The following BIVM variants were observed in gnomAD, a reference collection of about 807,000 sequenced individuals.
BIVM encodes basic immunoglobulin-like variable motif-containing protein.
A neutral mutation model predicts 61.4 loss-of-function variants in BIVM; 31 were observed. The observed-to-expected ratio is 0.51, with a 90% CI of 0.38 to 0.68. The LOEUF (loss-of-function observed/expected upper bound fraction) is 0.68, where lower values mean the gene tolerates loss of function less well. Among genes scored for constraint, BIVM ranks in the 30% least tolerant of loss-of-function variants. BIVM has a pLI of 0.00. For synonymous variants in BIVM, 189 were observed against 210.7 expected (o/e 0.90, Z 0.89); for missense variants, 526 against 596.0 (o/e 0.88, Z 1.22).
rs1346137790 is a variant in BIVM at position 102,839,498 on chromosome 13, A to G, written c.1219-74A>G. The stretch of plus-strand genomic sequence containing the variant: ...GGTGAAGTAAAAAAAGAAAGAAGGG[A>G]GTTCATAGGGACCTACAAATTAGTA... On this transcript the variant is annotated intron_variant, in intron 10 of 10. Coordinates refer to ENST00000257336, the MANE Select transcript of BIVM (RefSeq NM_017693.4). 8.4e-6 allele frequency: 13 copies of G among 1,545,074 alleles called. No homozygotes were observed. The South Asian group carries it at 1.5e-4, about 18-fold the overall frequency.
intron 7 of BIVM, among the ~76,000 whole-genome samples, chr13:102,828,715 C>T (rs1350648440): frequency 9.1e-6 from 1 of 109,500 alleles, no homozygotes; most frequent in Non-Finnish European, 2.0e-5. Context: ...CTGCTGTCCT[C>T]CATGTACCAG....
At chr13:102,802,515 T>A (rs1043307009) in intron 1 of BIVM, among the ~76,000 whole-genome samples, 7 of 152,218 alleles carry the variant, frequency 4.6e-5, no homozygotes. Flanking sequence ...TTATAAAATC[T>A]ATGAATATTA....
Position 102,841,180 on chromosome 13 carries a change from G to GA in BIVM, c.*1316dup, listed in dbSNP as rs1311942967. On this transcript the variant is annotated 3_prime_UTR_variant, in exon 11 of 11. Transcript: ENST00000257336. ...CAACCTGTGACTCACAAATGACTAG[G>GA]ATCTCTTGTTCTTTAATTTTAGGGT... The GA allele has an allele frequency of 6.6e-6, 1 of 152,582 alleles. No homozygotes were observed. Among genetic ancestry groups the GA allele is most frequent in the African/African-American group, 2.4e-5 (1 of 41,430 alleles). The allele number at this position is 152,582 out of a possible 1,614,324, so 9.5% of individuals were successfully genotyped here.
At position 102,840,472 on chromosome 13, in the gene BIVM, C is replaced by G. The variant is rs1243378109; in HGVS notation, c.*607C>G. On this transcript the variant is annotated 3_prime_UTR_variant, in exon 11 of 11. Coordinates refer to ENST00000257336, the MANE Select transcript of BIVM (RefSeq NM_017693.4). ...AGAGAAAAGACTCAAGAAACTGATC[C>G]TGGAGATCGAGACCATCCTGGCTAA... is the stretch of plus-strand genomic sequence containing the variant. 6.6e-6 allele frequency: 1 copy of G among 152,290 alleles called. No individual in the cohort carries two copies. Among genetic ancestry groups the G allele is most frequent in the African/African-American group, 2.4e-5 (1 of 41,428 alleles). 9.4% of individuals were successfully genotyped at this position (152,290 alleles called of 1,614,324 possible). A position where few individuals can be genotyped will look rare whatever the true frequency, so the allele number is the denominator to read the frequency against.
At chr13:102,819,245 T>A (rs1246861208) in intron 4 of BIVM, among the ~76,000 whole-genome samples, 1 of 152,204 alleles carries the variant, frequency 6.6e-6, no homozygotes, top group Non-Finnish European at 1.5e-5. Flanking sequence ...AGTTGTGTTG[T>A]TCAGTGGGTA....
intron 2 of BIVM, among the ~76,000 whole-genome samples, 152 bp downstream of exon 2, chr13:102,805,542 C>G (rs1358633485): frequency 6.6e-6 from 1 of 152,168 alleles, no homozygotes; most frequent in Non-Finnish European, 1.5e-5. Flanking sequence ...AATTCACACA[C>G]CATATAATTT....
At chr13:102,823,754 A>G (rs1427373697) in intron 7 of BIVM, among the ~76,000 whole-genome samples, 1 of 152,234 alleles carries the variant, frequency 6.6e-6, no homozygotes, top group Non-Finnish European at 1.5e-5. Flanking sequence ...GTTTTTTAAA[A>G]GAGGTTTTCA....
chr13:102,833,546 C>T (rs12430227), intron 8 of BIVM, among the ~76,000 whole-genome samples: 29,250 of 151,790 alleles, frequency 0.19, 2,957 homozygotes, highest in East Asian at 0.37. Context: ...TGGTCTTGAA[C>T]TCCTGGGCTC....
In BIVM at chr13:102,816,059, C is replaced by T. The variant is rs112104322; in HGVS notation, c.479-369C>T. ...TGGTCTAGTTAAATTTTTTTACTGT[C>T]GATAATTTGATTTTCCGGATGTGGC... On this transcript the variant is annotated intron_variant, in intron 3 of 10. Coordinates refer to ENST00000257336, the MANE Select transcript of BIVM (RefSeq NM_017693.4). Among the ~76,000 whole-genome samples the T allele has an allele frequency of 1.6e-3, 248 of 152,100 alleles. 2 individuals are homozygous for T. Among genetic ancestry groups the T allele is most frequent in the African/African-American group, 5.7e-3 (236 of 41,516 alleles).
chr13:102,815,013 T>C (rs1342724881), intron 3 of BIVM, among the ~76,000 whole-genome samples: 2 of 152,060 alleles, frequency 1.3e-5, no homozygotes, highest in Non-Finnish European at 2.9e-5. Flanking sequence ...CACTGCACTC[T>C]TGTCTGGGCA....
chr13:102,809,363 C>T (rs568050828), intron 3 of BIVM, among the ~76,000 whole-genome samples: 16 of 152,302 alleles, frequency 1.1e-4, no homozygotes, highest in African/African-American at 3.6e-4. Flanking sequence ...GGACAGAGGG[C>T]ATATGCTCTC....
In BIVM at chr13:102,828,341, A is replaced by T. The variant is rs1880816841; in HGVS notation, c.902-3224A>T. ...CAAGTCCAGACTCATTTTTTTAATC[A>T]GCTAGCTTGAAAATTGCATTTATAT... On this transcript the variant is annotated intron_variant, in intron 7 of 10. Transcript: ENST00000257336. Among the ~76,000 whole-genome samples the T allele has an allele frequency of 2.0e-5, 3 of 152,160 alleles. No homozygotes were observed. In the South Asian group the frequency reaches 6.2e-4, roughly 32 times the overall value.
Position 102,804,178 on chromosome 13 carries a change from G to A in BIVM, c.-206-1129G>A, listed in dbSNP as rs113720950. 4.4e-3 allele frequency among the ~76,000 whole-genome samples: 672 copies of A among 152,312 alleles called. 2 individuals are homozygous for A. The highest frequency in any genetic ancestry group is 7.8e-3 in the Non-Finnish European group (528 of 68,022). ...TTTGTTCGTTTCGAGACAAGATGGA[G>A]TGCAGGTCACCCAGGCTGGAGTGCA... On this transcript the variant is annotated intron_variant, in intron 1 of 10. Transcript: ENST00000257336.
At chr13:102,813,051 C>T (rs1566446936) in intron 3 of BIVM, among the ~76,000 whole-genome samples, 1 of 152,146 alleles carries the variant, frequency 6.6e-6, no homozygotes. Flanking sequence ...TTTGCATTTA[C>T]TGTTCAGGAC....
intron 1 of BIVM, among the ~76,000 whole-genome samples, chr13:102,801,245 A>C (rs1193018563): frequency 7.0e-6 from 1 of 142,382 alleles, no homozygotes; most frequent in Non-Finnish European, 1.5e-5. Context: ...TTAGTAGTAA[A>C]TTTTTTTTTT....
intron 7 of BIVM, among the ~76,000 whole-genome samples, chr13:102,830,898 T>C (rs1223881204): frequency 6.6e-6 from 1 of 152,082 alleles, no homozygotes; most frequent in East Asian, 1.9e-4. Context: ...AGCGGGCACT[T>C]CCTGAGGCCC....
chr13:102,838,109 A>C (rs1203677232), intron 9 of BIVM, among the ~76,000 whole-genome samples: 1 of 152,228 alleles, frequency 6.6e-6, no homozygotes, highest in Non-Finnish European at 1.5e-5. Flanking sequence ...ATACTTTTTG[A>C]TGCTATTGTA....
Position 102,836,822 on chromosome 13 carries a change from C to A in BIVM, c.1122-1821C>A, listed in dbSNP as rs1433281601. ...TGTCCTTTTACCGATGCCACACTCT[C>A]AATTGTTGTTTATACTAAATCCTGA... On this transcript the variant is annotated intron_variant, in intron 9 of 10. Transcript: ENST00000257336. 2.0e-5 allele frequency among the ~76,000 whole-genome samples: 3 copies of A among 152,218 alleles called. No homozygotes were observed. In the East Asian group the frequency reaches 5.8e-4, roughly 29 times the overall value.
rs111299814 is a variant in BIVM, at chr13:102,802,781, TG to T, written c.-206-2525del. Among the ~76,000 whole-genome samples, 134 of 151,342 alleles carry T rather than the reference TG, an allele frequency of 8.9e-4. 1 individual carries two copies. Among genetic ancestry groups the T allele is most frequent in the African/African-American group, 3.1e-3 (128 of 41,182 alleles). ...TTTTTTTTGAGACAGAGTCTTGCTTTGTTGCCCAGGCTAGAGTGCAGTGGTG... is the reference window on the plus strand; with the variant it reads ...TTTTTTTTGAGACAGAGTCTTGCTTTTTGCCCAGGCTAGAGTGCAGTGGTG... On this transcript the variant is annotated intron_variant, in intron 1 of 10. Transcript: ENST00000257336.
Sources: allele counts gnomAD v4.1 joint callset (sites outside exome capture counted in the v4.1 genomes callset), GRCh38; gene constraint gnomAD v4.1.1; transcripts MANE v1.5; gene names NCBI Gene and HGNC (gene_info 2026-07-23, HGNC 2026-07-21).